CDH13: variants seen among roughly 807,000 people sequenced by gnomAD.
CDH13 encodes the protein cadherin-13.
In CDH13, 24 loss-of-function variants were observed where a neutral mutation model predicts 63.8. That is an observed-to-expected ratio of 0.38 (90% confidence interval 0.27 to 0.53). The LOEUF (loss-of-function observed/expected upper bound fraction) is 0.53. Among genes scored for constraint, CDH13 ranks in the 20% least tolerant of loss-of-function variants. The pLI is 0.85. For missense variants in CDH13, 1,049 were observed against 903.1 expected, an observed-to-expected ratio of 1.16 and a Z score of -2.07; for synonymous variants, 503 against 355.3, an observed-to-expected ratio of 1.42 and a Z score of -4.67.
At chr16:83,380,905 C>CA (rs1362811103) in intron 6 of CDH13, among the ~76,000 whole-genome samples, 151 of 151,156 alleles carry the variant, frequency 1.0e-3, no homozygotes, top group Admixed American at 1.0e-2. Context: ...AGCCCTGCCA[C>CA]AAAAATGCCC....
At chr16:82,833,733 C>G (rs1230141549) in intron 1 of CDH13, among the ~76,000 whole-genome samples, 2 of 152,126 alleles carry the variant, frequency 1.3e-5, no homozygotes, top group East Asian at 3.8e-4. Context: ...TCTCAGGGGA[C>G]ACTTAAGCCA....
chr16:82,837,732 T>C (rs2038829346), intron 1 of CDH13, among the ~76,000 whole-genome samples: 1 of 152,156 alleles, frequency 6.6e-6, no homozygotes, highest in Admixed American at 6.5e-5. Context: ...TGGGAGCTCA[T>C]CGAGCTGGTC....
chr16:82,870,530 G>A (rs1197068530), intron 2 of CDH13, among the ~76,000 whole-genome samples: 2 of 152,072 alleles, frequency 1.3e-5, no homozygotes, highest in African/African-American at 4.8e-5. Context: ...GTTGGTTAAT[G>A]GGTACACAAA....
At chr16:83,381,107 C>T (rs1405574118) in intron 6 of CDH13, among the ~76,000 whole-genome samples, 1 of 152,110 alleles carries the variant, frequency 6.6e-6, no homozygotes, top group Non-Finnish European at 1.5e-5. Flanking sequence ...ATGCTAAGTA[C>T]TTCATGCTTA....
Position 83,730,846 on chromosome 16 carries a change from A to G in CDH13, c.1539-17262A>G, listed in dbSNP as rs564700943. On this transcript the variant is annotated intron_variant, in intron 10 of 13. Transcript: ENST00000567109. ...CCCCTTCTAGTAGTCCCCAATGTCT[A>G]TTGCTCCCATCTTTGTGTCTGTGTG... Among the ~76,000 whole-genome samples, 16 of 151,986 alleles carry G rather than the reference A, an allele frequency of 1.1e-4. No homozygotes were observed. The South Asian group carries it at 2.7e-3, about 26-fold the overall frequency.
At chr16:83,393,786 G>A (rs1025035752) in intron 6 of CDH13, among the ~76,000 whole-genome samples, 9 of 152,158 alleles carry the variant, frequency 5.9e-5, no homozygotes, top group South Asian at 2.1e-4. Flanking sequence ...GCAATGCCAG[G>A]CTTCTGGCCT....
intron 12 of CDH13, among the ~76,000 whole-genome samples, chr16:83,781,849 T>C (rs1267160381): frequency 1.3e-5 from 2 of 151,884 alleles, no homozygotes; most frequent in African/African-American, 4.8e-5. Context: ...ATGGGATGAT[T>C]TGTGCAGCAA....
chr16:83,380,902 C>T (rs1597876453), intron 6 of CDH13, among the ~76,000 whole-genome samples: 2 of 151,696 alleles, frequency 1.3e-5, no homozygotes, highest in African/African-American at 4.8e-5. Flanking sequence ...AGCAGCCCTG[C>T]CACAAAAATG....
chr16:83,055,888 A>G lies in CDH13; in HGVS notation c.366+23670A>G, dbSNP rs1477941130. 3.3e-5 allele frequency among the ~76,000 whole-genome samples: 5 copies of G among 152,170 alleles called. 1 individual carries two copies. Among genetic ancestry groups the G allele is most frequent in the South Asian group, 4.1e-4 (2 of 4,830 alleles). On this transcript the variant is annotated intron_variant, in intron 3 of 13. Coordinates refer to ENST00000567109, the MANE Select transcript of CDH13 (RefSeq NM_001257.5). ...TAAAAGTAAAAACCTGTGCTCATCA[A>G]AATACATCATTGAGAAAGTGAAAAG...
chr16:82,703,342 G>C (rs1299374630), intron 1 of CDH13, among the ~76,000 whole-genome samples: 6 of 152,064 alleles, frequency 3.9e-5, no homozygotes, highest in African/African-American at 1.4e-4. Flanking sequence ...TGTGAACCCT[G>C]AGATGTTCTG....
At chr16:83,744,006 A>T (rs955382933) in intron 10 of CDH13, among the ~76,000 whole-genome samples, 2 of 151,978 alleles carry the variant, frequency 1.3e-5, no homozygotes, top group African/African-American at 2.4e-5. Context: ...ACAAGTTGCT[A>T]AGCCTCTCTG....
intron 1 of CDH13, among the ~76,000 whole-genome samples, chr16:82,755,134 C>A (rs1008848576): frequency 6.6e-6 from 1 of 152,206 alleles, no homozygotes; most frequent in Non-Finnish European, 1.5e-5. Flanking sequence ...GCAGTGTTCT[C>A]TTTGTCCAAA....
intron 11 of CDH13, among the ~76,000 whole-genome samples, chr16:83,759,403 A>T (rs563519975): frequency 1.3e-5 from 2 of 152,314 alleles, no homozygotes; most frequent in African/African-American, 4.8e-5. Flanking sequence ...TTCTAGATAT[A>T]TTACAGATCA....
chr16:83,469,805 A>T (rs555732057), intron 6 of CDH13, among the ~76,000 whole-genome samples: 2 of 152,134 alleles, frequency 1.3e-5, no homozygotes, highest in Admixed American at 1.3e-4. Flanking sequence ...GCGGTGGGGG[A>T]TGGGACTGAC....
intron 6 of CDH13, among the ~76,000 whole-genome samples, chr16:83,356,424 G>C (rs76279343): frequency 6.6e-6 from 1 of 152,028 alleles, no homozygotes; most frequent in Non-Finnish European, 1.5e-5. Context: ...TCAACAACTC[G>C]AAGATTCATA....
rs563492808 is a variant in CDH13 at position 82,922,875 on chromosome 16, A to C, written c.157+64402A>C. Among the ~76,000 whole-genome samples the C allele has an allele frequency of 4.5e-4, 68 of 152,278 alleles. 1 individual carries two copies. The highest frequency in any genetic ancestry group is 1.5e-3 in the African/African-American group (61 of 41,548). On this transcript the variant is annotated intron_variant, in intron 2 of 13. Coordinates refer to ENST00000567109, the MANE Select transcript of CDH13 (RefSeq NM_001257.5). The stretch of plus-strand genomic sequence containing the variant: ...AAATGTGAGAAGGGTATACAGGCCT[A>C]CCTTGTTGATATTGAGGATTTGATT...
At chr16:83,683,352 T>C (rs1598472480) in intron 10 of CDH13, among the ~76,000 whole-genome samples, 1 of 152,234 alleles carries the variant, frequency 6.6e-6, no homozygotes, top group East Asian at 1.9e-4. Context: ...CAGGTAAGAA[T>C]AAGGAAGATA....
At chr16:82,958,241 C>T (rs1906423302) in intron 2 of CDH13, among the ~76,000 whole-genome samples, 1 of 152,182 alleles carries the variant, frequency 6.6e-6, no homozygotes, top group Non-Finnish European at 1.5e-5. Context: ...TAACAATTGT[C>T]CTCGGAGGAA....
intron 4 of CDH13, among the ~76,000 whole-genome samples, chr16:83,206,688 C>A (rs1280806364): frequency 1.3e-5 from 2 of 152,192 alleles, no homozygotes; most frequent in Non-Finnish European, 2.9e-5. Context: ...AGAGAGATGG[C>A]TCTTAAACCA....
Sources: allele counts gnomAD v4.1 joint callset (sites outside exome capture counted in the v4.1 genomes callset), GRCh38; gene constraint gnomAD v4.1.1; transcripts MANE v1.5; gene names NCBI Gene and HGNC (gene_info 2026-07-23, HGNC 2026-07-21).